Variants in TRDN observed in about 807,000 individuals in gnomAD.
The protein encoded by TRDN is triadin.
TRDN carries 161 observed loss-of-function variants against 149.7 expected under a neutral mutation model. The ratio of observed to expected loss-of-function variants is 1.08; its 90% CI spans 0.95 to 1.23. The LOEUF (loss-of-function observed/expected upper bound fraction) is 1.23. TRDN is among the 50% of genes most tolerant of loss of function. The pLI, the probability that TRDN is intolerant of heterozygous loss-of-function variation, is 0.00. For synonymous variants in TRDN, 294 were observed against 250.5 expected (o/e 1.17, Z -1.64); for missense variants, 896 against 823.5 (o/e 1.09, Z -1.08).
At chr6:123,235,652 G>A (rs756298275) in intron 38 of TRDN, among the ~76,000 whole-genome samples, 5 of 152,024 alleles carry the variant, frequency 3.3e-5, no homozygotes, top group Admixed American at 6.6e-5. Flanking sequence ...TTTAAGACAC[G>A]TATAGATGTG....
chr6:123,448,057 G>A (rs1188346899), intron 10 of TRDN, among the ~76,000 whole-genome samples: 1 of 152,214 alleles, frequency 6.6e-6, no homozygotes, highest in Non-Finnish European at 1.5e-5. Flanking sequence ...CAAAATGCAG[G>A]GGCAGAGGAA....
chr6:123,291,854 T>G (rs1032685300), intron 24 of TRDN, among the ~76,000 whole-genome samples: 2 of 152,168 alleles, frequency 1.3e-5, no homozygotes, highest in Non-Finnish European at 2.9e-5. Context: ...CATGTAACTC[T>G]CTCCTTCAGC....
intron 38 of TRDN, among the ~76,000 whole-genome samples, chr6:123,227,078 G>A (rs975860781): frequency 6.6e-6 from 1 of 151,792 alleles, no homozygotes; most frequent in African/African-American, 2.4e-5. Context: ...ATCAGGCTAA[G>A]TACCCTCAAC....
At chr6:123,562,188 G>A (rs1782039215) in intron 2 of TRDN, among the ~76,000 whole-genome samples, 1 of 151,884 alleles carries the variant, frequency 6.6e-6, no homozygotes, top group African/African-American at 2.4e-5. Context: ...CCCTTTGACT[G>A]TAATTTTCCT....
chr6:123,250,530 T>TA (rs1301420998), intron 38 of TRDN, among the ~76,000 whole-genome samples: 1 of 152,008 alleles, frequency 6.6e-6, no homozygotes, highest in Non-Finnish European at 1.5e-5. Context: ...TGATTGCTCC[T>TA]AAAAAAGCAT....
intron 2 of TRDN, among the ~76,000 whole-genome samples, chr6:123,557,045 C>G (rs796254309): frequency 2.2e-4 from 33 of 151,996 alleles, no homozygotes; most frequent in African/African-American, 7.5e-4. Context: ...CCACTGAGCA[C>G]CTTGTGACCC....
At chr6:123,328,703 C>A (rs1037320541) in intron 23 of TRDN, among the ~76,000 whole-genome samples, 1 of 152,156 alleles carries the variant, frequency 6.6e-6, no homozygotes, top group African/African-American at 2.4e-5. Context: ...TGGGTCTGCA[C>A]TTTCCTATTA....
intron 19 of TRDN, among the ~76,000 whole-genome samples, chr6:123,368,985 T>C (rs991010397): frequency 6.6e-6 from 1 of 152,182 alleles, no homozygotes; most frequent in African/African-American, 2.4e-5. Context: ...CTTAAAACTA[T>C]TGGGTAGATA....
chr6:123,464,242 G>T (rs1052204619), intron 10 of TRDN: 12 of 980,704 alleles, frequency 1.2e-5, no homozygotes, highest in Admixed American at 6.2e-5. Flanking sequence ...AAGACTTAAA[G>T]AAATGACTTT....
chr6:123,238,745 G>A (rs991382806), intron 38 of TRDN, among the ~76,000 whole-genome samples: 3 of 152,040 alleles, frequency 2.0e-5, no homozygotes, highest in African/African-American at 7.2e-5. Context: ...ATAAAGTAAA[G>A]GTTTAATTGA....
chr6:123,306,230 C>T lies in TRDN; in HGVS notation c.1510+10227G>A, dbSNP rs146372645. Among the ~76,000 whole-genome samples, 74 of 152,206 alleles carry T rather than the reference C, an allele frequency of 4.9e-4. 1 individual carries two copies. The East Asian group carries it at 0.012, about 25-fold the overall frequency. On this transcript the variant is annotated intron_variant, in intron 24 of 40. Transcript: ENST00000334268. ...GATCCAGCCAAATCTGCCCTGAGAA[C>T]ATTTTTCTTTCTGGCCCATTTGTTA...
At chr6:123,393,817 A>T (rs913588663) in intron 12 of TRDN, 140 bp from the exon 13 acceptor site, 7 of 724,210 alleles carry the variant, frequency 9.7e-6, no homozygotes, top group Non-Finnish European at 1.1e-5. Flanking sequence ...TAAGACATAA[A>T]CTTATTAGAG....
rs762533875 is a variant in TRDN at position 123,396,716 on chromosome 6, T to C, written c.1052-3039A>G. On this transcript the variant is annotated intron_variant, in intron 12 of 40. Coordinates refer to ENST00000334268, the MANE Select transcript of TRDN (RefSeq NM_006073.4). ...TCAATGTCTTCTGATTCCACAGATA[T>C]GGAACAACCTGATTTACAAAACTGA... 6.2e-4 allele frequency among the ~76,000 whole-genome samples: 94 copies of C among 152,202 alleles called. 1 individual carries two copies. The highest frequency in any genetic ancestry group is 3.1e-4 in the Non-Finnish European group (21 of 68,028).
intron 23 of TRDN, 93 bp downstream of exon 23, chr6:123,331,786 C>A: frequency 6.5e-6 from 5 of 771,736 alleles, no homozygotes; most frequent in Non-Finnish European, 9.7e-6. Context: ...GTTTTGAGAG[C>A]CTGAAAATGA....
intron 24 of TRDN, among the ~76,000 whole-genome samples, chr6:123,290,428 TA>T (rs1276802743): frequency 6.6e-6 from 1 of 152,192 alleles, no homozygotes; most frequent in Non-Finnish European, 1.5e-5. Context: ...CAAAGCTTAC[TA>T]GTTTGAAGAG....
intron 15 of TRDN, 39 bp from the exon 16 acceptor site, chr6:123,381,429 T>G (rs1781716148): frequency 1.3e-6 from 2 of 1,540,318 alleles, no homozygotes; most frequent in African/African-American, 2.7e-5. Context: ...TCTTAAAACT[T>G]TAAAGATAAA....
At chr6:123,498,487 ATTTAGATGTAT>A (rs944356009) in intron 8 of TRDN, 14 of 468,062 alleles carry the variant, frequency 3.0e-5, no homozygotes, top group Non-Finnish European at 5.8e-5. Flanking sequence ...AGTTCCAAAA[ATTTAGATGTAT>A]TTTAGTTGTT....
In TRDN at chr6:123,583,583, G is replaced by C. The variant is rs555521129; in HGVS notation, c.23-12451C>G. On this transcript the variant is annotated intron_variant, in intron 1 of 40. Transcript: ENST00000334268. The stretch of plus-strand genomic sequence containing the variant: ...AGGTTTCACTGAATACTAGGAGCCT[G>C]AAAAACTGCTTGGCTGATTTGACTA... Among the ~76,000 whole-genome samples, 4 of 148,542 alleles carry C rather than the reference G, an allele frequency of 2.7e-5. 1 individual carries two copies. Among genetic ancestry groups the C allele is most frequent in the Admixed American group, 2.7e-4 (4 of 15,040 alleles).
chr6:123,506,387 A>G (rs1426398964), intron 7 of TRDN, among the ~76,000 whole-genome samples: 3 of 152,166 alleles, frequency 2.0e-5, no homozygotes, highest in Admixed American at 6.5e-5. Context: ...TGAATATTTT[A>G]TGTATTTTTC....
Sources: allele counts gnomAD v4.1 joint callset (sites outside exome capture counted in the v4.1 genomes callset), GRCh38; gene constraint gnomAD v4.1.1; transcripts MANE v1.5; gene names NCBI Gene and HGNC (gene_info 2026-07-23, HGNC 2026-07-21).